RAPGEF2: variants seen among roughly 807,000 people sequenced by gnomAD.
RAPGEF2 encodes the protein Rap guanine nucleotide exchange factor 2.
Under a neutral mutation model 186.7 loss-of-function variants are expected in RAPGEF2, and 54 were observed. That is an observed-to-expected ratio of 0.29 (90% CI 0.23 to 0.36). The LOEUF is 0.36. Ranked by LOEUF, RAPGEF2 falls within the 10% of genes least tolerant of loss-of-function variation. The pLI is 1.00. For synonymous variants in RAPGEF2, 712 were observed against 705.9 expected (o/e 1.01, Z -0.14); for missense variants, 1,532 against 2,045.0 (o/e 0.75, Z 4.84).
At position 159,104,008 on chromosome 4, in the gene RAPGEF2, C is replaced by CCCCCGCGGG. The variant is rs1301409819; in HGVS notation, c.-147_-139dup. On this transcript the variant is annotated 5_prime_UTR_variant, in exon 1 of 30. Transcript: ENST00000691494. Reference sequence around the variant, plus strand: ...GGCCGCCGGGCCCAGCCGAGCCGCCCCCCCGCGGGCCCCGCGCCGCCGCCG... The same window carrying CCCCCGCGGG: ...GGCCGCCGGGCCCAGCCGAGCCGCCCCCCCGCGGGCCCCGCGGGCCCCGCGCCGCCGCCG... The CCCCCGCGGG allele has an allele frequency of 5.6e-6, 1 of 179,176 alleles. No homozygotes were observed. The highest frequency in any genetic ancestry group is 1.9e-4 in the East Asian group (1 of 5,332). 11.1% of individuals were successfully genotyped at this position (179,176 alleles called of 1,614,324 possible). A position where few individuals can be genotyped will look rare whatever the true frequency, so the allele number is the denominator to read the frequency against.
At chr4:159,208,145 G>T (rs894880582) in intron 3 of RAPGEF2, among the ~76,000 whole-genome samples, 1 of 152,020 alleles carries the variant, frequency 6.6e-6, no homozygotes, top group Non-Finnish European at 1.5e-5. Context: ...GACTTGGGGG[G>T]AAAGATGTTC....
rs144417151 is a variant in RAPGEF2 at position 159,181,736 on chromosome 4, C to T, written c.70-4906C>T. Among the ~76,000 whole-genome samples the T allele has an allele frequency of 4.6e-3, 693 of 152,180 alleles. 19 individuals are homozygous for T. The highest frequency in any genetic ancestry group is 0.033 in the Admixed American group (502 of 15,276). On this transcript the variant is annotated intron_variant, in intron 1 of 29. Coordinates refer to ENST00000691494, the MANE Select transcript of RAPGEF2 (RefSeq NM_001394067.2). ...ATTTTTAGTAGAGACGGGGTTTCACCATGTTGGCCAGGGTGGTCTCGATCT... is the reference window on the plus strand; with the variant it reads ...ATTTTTAGTAGAGACGGGGTTTCACTATGTTGGCCAGGGTGGTCTCGATCT...
chr4:159,144,756 T>G (rs1018949116), intron 1 of RAPGEF2, among the ~76,000 whole-genome samples: 2 of 152,164 alleles, frequency 1.3e-5, no homozygotes, highest in Non-Finnish European at 2.9e-5. Flanking sequence ...CCTTGTAACA[T>G]CTTTGATGGG....
intron 1 of RAPGEF2, among the ~76,000 whole-genome samples, chr4:159,120,398 C>A (rs1034869851): frequency 6.6e-6 from 1 of 152,124 alleles, no homozygotes; most frequent in Non-Finnish European, 1.5e-5. Flanking sequence ...TGCACTTTGT[C>A]GAATTTATAC....
rs192114989 is a variant in RAPGEF2 at position 159,232,787 on chromosome 4, T to C, written c.282-6022T>C. Among the ~76,000 whole-genome samples the C allele has an allele frequency of 4.4e-3, 672 of 152,336 alleles. 3 individuals are homozygous for C. Among genetic ancestry groups the C allele is most frequent in the African/African-American group, 0.015 (603 of 41,576 alleles). On this transcript the variant is annotated intron_variant, in intron 4 of 29. Transcript: ENST00000691494. ...TCCAAGTCCTCCACATTATTTTTTT[T>C]CTTTCTTTTTGCTTTCTTGAAAAAG...
intron 7 of RAPGEF2, chr4:159,267,770 G>C (rs1476465380): frequency 6.9e-6 from 7 of 1,010,304 alleles, no homozygotes; most frequent in Non-Finnish European, 8.3e-6. Context: ...TCTGTGTGCA[G>C]TCAGCCATTT....
chr4:159,332,958 A>AT (rs1766898590), intron 17 of RAPGEF2: 1 of 216,794 alleles, frequency 4.6e-6, no homozygotes, highest in Admixed American at 5.8e-5. Flanking sequence ...TTTTTAGTTT[A>AT]TTTTTTAATT....
At chr4:159,158,195 C>T (rs1744332049) in intron 1 of RAPGEF2, among the ~76,000 whole-genome samples, 1 of 152,192 alleles carries the variant, frequency 6.6e-6, no homozygotes, top group Non-Finnish European at 1.5e-5. Flanking sequence ...CAATAGTCCT[C>T]TTAATTTCCT....
chr4:159,350,416 C>A (rs777076327), intron 26 of RAPGEF2, 127 bp downstream of exon 26: 8 of 737,156 alleles, frequency 1.1e-5, no homozygotes, highest in Non-Finnish European at 1.3e-5. Flanking sequence ...ATTTGCAATG[C>A]CCAATGGATT....
chr4:159,147,930 A>C (rs910881139), intron 1 of RAPGEF2, among the ~76,000 whole-genome samples: 2 of 152,198 alleles, frequency 1.3e-5, no homozygotes, highest in Non-Finnish European at 2.9e-5. Flanking sequence ...GTGCCTAATA[A>C]ATGGCCCTCA....
At chr4:159,356,874 C>T (rs1472344721) in intron 29 of RAPGEF2, among the ~76,000 whole-genome samples, 1 of 152,000 alleles carries the variant, frequency 6.6e-6, no homozygotes, top group Non-Finnish European at 1.5e-5. Context: ...GCACTCCAGC[C>T]TGGGTGACAG....
At chr4:159,131,136 AT>A in intron 1 of RAPGEF2, among the ~76,000 whole-genome samples, 1 of 144,842 alleles carries the variant, frequency 6.9e-6, no homozygotes, top group East Asian at 2.1e-4. Context: ...GAGAGACAGA[AT>A]TTCGCCCTTG....
chr4:159,353,012 G>A lies in RAPGEF2; in HGVS notation c.4091+102G>A. On this transcript the variant is annotated intron_variant, in intron 27 of 29. Coordinates refer to ENST00000691494, the MANE Select transcript of RAPGEF2 (RefSeq NM_001394067.2). This position sits in a 1 kb window ranked among gnomAD's most constrained non-coding sequence, Gnocchi z 4.3. ...TTTGTTTTTATTTATTTTACATAAT[G>A]CCTAAGAATTTTTCTGCCATCCCAG... 8.8e-7 allele frequency: 1 copy of A among 1,139,306 alleles called. No homozygotes were observed. The highest frequency in any genetic ancestry group is 1.2e-6 in the Non-Finnish European group (1 of 816,448). The allele number at this position is 1,139,306 out of a possible 1,614,324, so 70.6% of individuals were successfully genotyped here. A position where few individuals can be genotyped will look rare whatever the true frequency, so the allele number is the denominator to read the frequency against.
At chr4:159,296,994 T>C (rs190430541) in intron 7 of RAPGEF2, among the ~76,000 whole-genome samples, 3 of 152,282 alleles carry the variant, frequency 2.0e-5, no homozygotes, top group Non-Finnish European at 4.4e-5. Flanking sequence ...CTCATCGGGG[T>C]CCCAAGTGTA....
rs1388176223 is a variant in RAPGEF2, at chr4:159,359,318, C to A, written c.*1179C>A. On this transcript the variant is annotated 3_prime_UTR_variant, in exon 30 of 30. Transcript: ENST00000691494. Reference sequence around the variant, plus strand: ...CAAGCCTTTAAACGTGATAAAAGATCAAAAACCTGGTTAGACATGCCAGCC... The same window carrying A: ...CAAGCCTTTAAACGTGATAAAAGATAAAAAACCTGGTTAGACATGCCAGCC... 3 of 152,082 alleles carry A rather than the reference C, an allele frequency of 2.0e-5. No individual in the cohort carries two copies. Among genetic ancestry groups the A allele is most frequent in the Non-Finnish European group, 4.4e-5 (3 of 68,002 alleles). The allele number at this position is 152,082 out of a possible 1,614,324, so 9.4% of individuals were successfully genotyped here.
intron 7 of RAPGEF2, among the ~76,000 whole-genome samples, chr4:159,273,759 A>G (rs1265450826): frequency 6.6e-6 from 1 of 151,352 alleles, no homozygotes; most frequent in Non-Finnish European, 1.5e-5. Flanking sequence ...GTTTGGTCTC[A>G]TAGGTATAAG....
chr4:159,203,957 G>A (rs1749707017), intron 3 of RAPGEF2, among the ~76,000 whole-genome samples: 1 of 152,222 alleles, frequency 6.6e-6, no homozygotes, highest in South Asian at 2.1e-4. Flanking sequence ...AGGAATCTGT[G>A]CTCCAGAACC....
chr4:159,261,349 A>G (rs960821226), intron 7 of RAPGEF2, among the ~76,000 whole-genome samples: 2 of 152,202 alleles, frequency 1.3e-5, no homozygotes, highest in African/African-American at 4.8e-5. Flanking sequence ...GGCGTGAGCC[A>G]CCGCATCCAG....
At chr4:159,252,856 A>G (rs1360438243) in intron 7 of RAPGEF2, among the ~76,000 whole-genome samples, 1 of 152,232 alleles carries the variant, frequency 6.6e-6, no homozygotes, top group Non-Finnish European at 1.5e-5. Context: ...ATTATTTACC[A>G]TATTAAAAAT....
Sources: gnomAD v4.1 joint callset for allele counts (sites outside exome capture counted in the v4.1 genomes callset) on GRCh38, gnomAD v4.1.1 for gene constraint, Gnocchi (gnomAD v3.1) non-coding constraint, MANE v1.5 for transcripts, NCBI Gene and HGNC (gene_info 2026-07-23, HGNC 2026-07-21) for gene names.